Variants in CENPW observed in about 807,000 individuals in gnomAD.
CENPW encodes the protein centromere protein W.
CENPW carries 3 observed loss-of-function variants against 11.1 expected under a neutral mutation model. That is an observed-to-expected ratio of 0.27 (90% confidence interval 0.12 to 0.70). CENPW has a LOEUF of 0.70. Ranked by LOEUF, CENPW falls within the 30% of genes least tolerant of loss-of-function variation. The pLI is 0.77. For missense variants in CENPW, 100 were observed against 105.6 expected (o/e 0.95, Z 0.23); for synonymous variants, 38 against 42.0 (o/e 0.91, Z 0.37).
the CENPW span, among the ~76,000 whole-genome samples, chr6:126,426,888 C>G: frequency 2.6e-4 from 39 of 152,118 alleles, no homozygotes; most frequent in African/African-American, 9.4e-4. Flanking sequence ...ATAAAGCTTT[C>G]ATGTAAAAAA....
the CENPW span, among the ~76,000 whole-genome samples, chr6:126,472,493 C>T: frequency 6.6e-6 from 1 of 152,148 alleles, no homozygotes; most frequent in Admixed American, 6.5e-5. Context: ...ATCAATAGTT[C>T]ATTCCTTTTA....
At chr6:126,409,337 T>C in the CENPW span, among the ~76,000 whole-genome samples, 1 of 152,322 alleles carries the variant, frequency 6.6e-6, no homozygotes, top group East Asian at 1.9e-4. Flanking sequence ...TGTTTTATGA[T>C]CTAACATGTG....
chr6:126,451,624 T>C, the CENPW span, among the ~76,000 whole-genome samples: 2 of 151,054 alleles, frequency 1.3e-5, no homozygotes, highest in African/African-American at 2.4e-5. Context: ...GAGACTAAAT[T>C]TGGGAGAGAG....
the CENPW span, among the ~76,000 whole-genome samples, chr6:126,437,888 T>G: frequency 6.6e-6 from 1 of 151,744 alleles, no homozygotes; most frequent in Non-Finnish European, 1.5e-5. Context: ...GAAAACATTG[T>G]GCCAATTGTC....
the CENPW span, among the ~76,000 whole-genome samples, chr6:126,450,351 T>C: frequency 1.3e-5 from 2 of 151,036 alleles, no homozygotes; most frequent in African/African-American, 4.8e-5. Flanking sequence ...GTATTAAAGA[T>C]GAATCTTATC....
At chr6:126,481,231 T>C in the CENPW span, among the ~76,000 whole-genome samples, 1 of 152,208 alleles carries the variant, frequency 6.6e-6, no homozygotes, top group Admixed American at 6.6e-5. Context: ...CATGGAATTT[T>C]GGACTGTTGA....
the CENPW span, among the ~76,000 whole-genome samples, chr6:126,386,468 C>T: frequency 1.3e-5 from 2 of 151,940 alleles, no homozygotes; most frequent in African/African-American, 4.8e-5. Context: ...ATATCAGTCT[C>T]CTTGCTTGGA....
chr6:126,340,200 C>G lies in CENPW; in HGVS notation c.-74C>G, dbSNP rs1311521017. ...TACGGACCGGATTGTTTTCGCTGGC[C>G]CAGTGTCCCCGGAGCTTGTGTGCGA... On this transcript the variant is annotated 5_prime_UTR_variant, in exon 1 of 3. Coordinates refer to ENST00000368328, the MANE Select transcript of CENPW (RefSeq NM_001012507.4). The G allele has an allele frequency of 1.4e-6, 2 of 1,408,066 alleles. No individual in the cohort carries two copies. The highest frequency in any genetic ancestry group is 1.4e-5 in the African/African-American group (1 of 70,236). The allele number at this position is 1,408,066 out of a possible 1,614,324, so 87.2% of individuals were successfully genotyped here. A position where few individuals can be genotyped will look rare whatever the true frequency, so the allele number is the denominator to read the frequency against.
the CENPW span, among the ~76,000 whole-genome samples, chr6:126,477,224 A>G: frequency 6.6e-6 from 1 of 151,936 alleles, no homozygotes; most frequent in Non-Finnish European, 1.5e-5. Flanking sequence ...AGAGAGTACA[A>G]TGTCAATATA....
chr6:126,456,692 A>C, the CENPW span, among the ~76,000 whole-genome samples: 1 of 151,876 alleles, frequency 6.6e-6, no homozygotes. Context: ...CCAAAACAAA[A>C]ATTGACAAAT....
chr6:126,429,107 T>G, the CENPW span, among the ~76,000 whole-genome samples: 2 of 152,318 alleles, frequency 1.3e-5, no homozygotes, highest in Middle Eastern at 6.8e-3. Flanking sequence ...TCCCAAGTTT[T>G]TTTTACTAGT....
the CENPW span, among the ~76,000 whole-genome samples, chr6:126,468,420 CA>C: frequency 5.6e-5 from 3 of 53,528 alleles, no homozygotes; most frequent in East Asian, 7.4e-4. Flanking sequence ...AACTCTGTCT[CA>C]AAAAAAAAAA....
At chr6:126,340,654 C>G (rs1780285713) in intron 1 of CENPW, among the ~76,000 whole-genome samples, 1 of 152,154 alleles carries the variant, frequency 6.6e-6, no homozygotes, top group Non-Finnish European at 1.5e-5. Context: ...GTCACATGAG[C>G]TTAACGTACA....
chr6:126,379,302 T>A, the CENPW span, among the ~76,000 whole-genome samples: 1 of 152,176 alleles, frequency 6.6e-6, no homozygotes, highest in African/African-American at 2.4e-5. Context: ...TAAGAAATTT[T>A]AAGATTAAAT....
the CENPW span, among the ~76,000 whole-genome samples, chr6:126,474,694 A>G: frequency 6.6e-6 from 1 of 152,162 alleles, no homozygotes; most frequent in Non-Finnish European, 1.5e-5. Flanking sequence ...TGCAAACAAT[A>G]TCATTACCCT....
At chr6:126,360,871 A>G in the CENPW span, among the ~76,000 whole-genome samples, 2 of 152,156 alleles carry the variant, frequency 1.3e-5, no homozygotes, top group African/African-American at 4.8e-5. Flanking sequence ...ATAAATCTCA[A>G]TGAGCTTCTT....
chr6:126,408,002 G>T, the CENPW span, among the ~76,000 whole-genome samples: 1 of 152,040 alleles, frequency 6.6e-6, no homozygotes, highest in Non-Finnish European at 1.5e-5. Flanking sequence ...TGAAATCTTT[G>T]CCTGTGCCTG....
At chr6:126,405,898 G>C in the CENPW span, among the ~76,000 whole-genome samples, 130 of 151,664 alleles carry the variant, frequency 8.6e-4, no homozygotes, top group African/African-American at 3.1e-3. Flanking sequence ...TTGTGGGGGG[G>C]GTCTTTAGAT....
the CENPW span, among the ~76,000 whole-genome samples, chr6:126,444,158 T>C: frequency 6.6e-6 from 1 of 150,786 alleles, no homozygotes; most frequent in Non-Finnish European, 1.5e-5. Context: ...CATGTTTCCC[T>C]GTGGTCTCTT....
Sources: allele counts gnomAD v4.1 joint callset (sites outside exome capture counted in the v4.1 genomes callset), GRCh38; gene constraint gnomAD v4.1.1; transcripts MANE v1.5; gene names NCBI Gene and HGNC (gene_info 2026-07-23, HGNC 2026-07-21).